Variants in USH2A observed in about 807,000 individuals in gnomAD.
USH2A encodes usherin.
A neutral mutation model predicts 538.9 loss-of-function variants in USH2A; 443 were observed. The ratio of observed to expected loss-of-function variants is 0.82; its 90% CI spans 0.76 to 0.89. USH2A has a LOEUF of 0.89. USH2A is among the 40% of genes least tolerant of loss of function. The pLI is 0.00. For missense variants in USH2A, 6,633 were observed against 6,324.8 expected, an observed-to-expected ratio of 1.05 and a Z score of -1.65; for synonymous variants, 2,413 against 2,273.5, an observed-to-expected ratio of 1.06 and a Z score of -1.75.
At chr1:215,921,387 C>A (rs930219026) in intron 38 of USH2A, among the ~76,000 whole-genome samples, 1 of 151,842 alleles carries the variant, frequency 6.6e-6, no homozygotes, top group Non-Finnish European at 1.5e-5. Context: ...CATGTTTTAC[C>A]TACATTTTTT....
chr1:216,202,645 T>C (rs1482137512), intron 16 of USH2A, among the ~76,000 whole-genome samples: 1 of 152,182 alleles, frequency 6.6e-6, no homozygotes, highest in Non-Finnish European at 1.5e-5. Flanking sequence ...TCTTGGCTGA[T>C]ACCCTCCTGG....
rs532404347 is a variant in USH2A, at chr1:215,701,529, T to C, written c.12067-21153A>G. 6.6e-5 allele frequency among the ~76,000 whole-genome samples: 10 copies of C among 152,342 alleles called. No homozygotes were observed. In the South Asian group the frequency reaches 1.5e-3, roughly 22 times the overall value. On this transcript the variant is annotated intron_variant, in intron 61 of 71. Coordinates refer to ENST00000307340, the MANE Select transcript of USH2A (RefSeq NM_206933.4). The stretch of plus-strand genomic sequence containing the variant: ...GTATTGGGTGCATATAGATTTAGGA[T>C]AGTTAGCTCTTCTTGTTCCATTGAT...
chr1:215,728,518 A>G, intron 60 of USH2A, 134 bp from the exon 61 acceptor site: 2 of 876,948 alleles, frequency 2.3e-6, no homozygotes, highest in Admixed American at 4.3e-5. Flanking sequence ...GTGTCATAGT[A>G]AAGAAAAACC....
chr1:216,325,702 G>A (rs2037719551), intron 5 of USH2A, 103 bp from the exon 6 acceptor site: 1 of 1,135,300 alleles, frequency 8.8e-7, no homozygotes, highest in Admixed American at 2.7e-5. Flanking sequence ...GCTTTCATGA[G>A]TATCCATTTA....
chr1:215,984,138 T>C (rs1667816901), intron 35 of USH2A, among the ~76,000 whole-genome samples: 1 of 152,162 alleles, frequency 6.6e-6, no homozygotes, highest in African/African-American at 2.4e-5. Context: ...GGTTCAGCCT[T>C]ACAGGGCACG....
At chr1:216,221,166 T>C (rs189573817) in intron 14 of USH2A, among the ~76,000 whole-genome samples, 29 of 152,278 alleles carry the variant, frequency 1.9e-4, no homozygotes, top group African/African-American at 6.0e-4. Context: ...AATCCAAACA[T>C]GGTTTGTAGC....
chr1:215,803,533 A>G (rs1418724575), intron 49 of USH2A, among the ~76,000 whole-genome samples: 4 of 152,214 alleles, frequency 2.6e-5, no homozygotes, highest in Non-Finnish European at 5.9e-5. Context: ...CCCATTCACA[A>G]TTGCTTCAAA....
intron 30 of USH2A, among the ~76,000 whole-genome samples, chr1:216,053,032 C>A (rs539182101): frequency 6.6e-6 from 1 of 152,172 alleles, no homozygotes; most frequent in East Asian, 1.9e-4. Context: ...CCGCTATATG[C>A]GTCTGGAAAA....
At chr1:216,097,365 G>A (rs2102573053) in intron 21 of USH2A, 152 bp from the exon 22 acceptor site, 3 of 1,338,270 alleles carry the variant, frequency 2.2e-6, no homozygotes, top group Middle Eastern at 4.3e-4. Flanking sequence ...AGGCCATTTG[G>A]TTTTAAATAT....
intron 13 of USH2A, among the ~76,000 whole-genome samples, chr1:216,237,520 A>G (rs530555542): frequency 8.6e-5 from 13 of 151,374 alleles, no homozygotes; most frequent in African/African-American, 2.7e-4. Flanking sequence ...AAAAAGAAAG[A>G]AAAAGAAAAA....
chr1:216,188,216 A>G (rs1179205873), intron 20 of USH2A, among the ~76,000 whole-genome samples: 2 of 151,804 alleles, frequency 1.3e-5, no homozygotes, highest in African/African-American at 4.8e-5. Flanking sequence ...ACTGCAACCA[A>G]TGAGGATACT....
rs568913353 is a variant in USH2A at position 215,634,970 on chromosome 1, C to T, written c.15053-267G>A. 1.4e-3 allele frequency among the ~76,000 whole-genome samples: 216 copies of T among 152,240 alleles called. 2 individuals carry two copies. In the Middle Eastern group the frequency reaches 0.027, roughly 19 times the overall value. On this transcript the variant is annotated intron_variant, in intron 69 of 71. Coordinates refer to ENST00000307340, the MANE Select transcript of USH2A (RefSeq NM_206933.4). ...GAAATCACCACTGTCTTGACAAATC[C>T]CTGGGAAAGATGGGAGTGTGGGGAG...
At chr1:216,153,667 G>T (rs2033884126) in intron 21 of USH2A, among the ~76,000 whole-genome samples, 1 of 152,130 alleles carries the variant, frequency 6.6e-6, no homozygotes, top group African/African-American at 2.4e-5. Context: ...TATAGATATT[G>T]CCTCATACAT....
intron 35 of USH2A, among the ~76,000 whole-genome samples, chr1:215,992,663 G>T (rs3856186): frequency 0.78 from 118,309 of 152,076 alleles, 46,310 homozygotes; most frequent in East Asian, 0.95. Context: ...TCTCTCCTTC[G>T]CCAAGGAAGA....
At chr1:216,220,184 A>C (rs1354425819) in intron 14 of USH2A, among the ~76,000 whole-genome samples, 1 of 151,950 alleles carries the variant, frequency 6.6e-6, no homozygotes, top group African/African-American at 2.4e-5. Context: ...ATATATCCCA[A>C]GATATATAGG....
At chr1:216,260,092 C>G (rs2036338703) in intron 11 of USH2A, among the ~76,000 whole-genome samples, 1 of 151,710 alleles carries the variant, frequency 6.6e-6, no homozygotes, top group South Asian at 2.1e-4. Context: ...AAGCATGTGC[C>G]TTTTCCTCTT....
chr1:216,142,803 C>T (rs1013070342), intron 21 of USH2A, among the ~76,000 whole-genome samples: 6 of 152,166 alleles, frequency 3.9e-5, no homozygotes, highest in Non-Finnish European at 7.3e-5. Flanking sequence ...TTAGTCTCCA[C>T]AGCCTAATTA....
At chr1:215,769,502 T>C (rs1320674008) in intron 55 of USH2A, among the ~76,000 whole-genome samples, 1 of 152,188 alleles carries the variant, frequency 6.6e-6, no homozygotes, top group Non-Finnish European at 1.5e-5. Flanking sequence ...GTGGTCTCCA[T>C]TTTACTTACA....
intron 49 of USH2A, among the ~76,000 whole-genome samples, chr1:215,805,265 C>T (rs950555201): frequency 7.0e-6 from 1 of 142,182 alleles, no homozygotes; most frequent in Non-Finnish European, 1.5e-5. Context: ...GCACATGTAC[C>T]CTAAAACTTA....
Sources: gnomAD v4.1 joint callset for allele counts (sites outside exome capture counted in the v4.1 genomes callset) on GRCh38, gnomAD v4.1.1 for gene constraint, MANE v1.5 for transcripts, NCBI Gene and HGNC (gene_info 2026-07-23, HGNC 2026-07-21) for gene names.